The following MAEL variants were observed in gnomAD, a reference collection of about 807,000 sequenced individuals.
The protein encoded by MAEL is protein maelstrom homolog.
Under a neutral mutation model 62.0 loss-of-function variants are expected in MAEL, and 46 were observed. The observed-to-expected ratio is 0.74, with a 90% CI of 0.59 to 0.95. The LOEUF is 0.95. MAEL is among the 40% of genes least tolerant of loss of function. The probability of loss-of-function intolerance (pLI) is 0.00; values close to 1 mark genes in which losing one functional copy is unlikely to be tolerated. For synonymous variants in MAEL, 172 were observed against 175.5 expected, an observed-to-expected ratio of 0.98 and a Z score of 0.16; for missense variants, 497 against 526.8, an observed-to-expected ratio of 0.94 and a Z score of 0.55.
intron 10 of MAEL, among the ~76,000 whole-genome samples, chr1:167,020,290 A>G (rs1224735856): frequency 1.3e-5 from 2 of 150,960 alleles, no homozygotes; most frequent in East Asian, 3.9e-4. Context: ...TGCACTGTCA[A>G]CTCCATTGGC....
At chr1:167,002,406 G>A (rs924493340) in intron 5 of MAEL, among the ~76,000 whole-genome samples, 9 of 152,100 alleles carry the variant, frequency 5.9e-5, no homozygotes, top group African/African-American at 2.2e-4. Context: ...CCTCTTATCG[G>A]GATCTTCTTT....
intron 3 of MAEL, among the ~76,000 whole-genome samples, chr1:166,992,229 A>G (rs1050265257): frequency 6.6e-6 from 1 of 152,156 alleles, no homozygotes; most frequent in African/African-American, 2.4e-5. Flanking sequence ...TTATTCCTTT[A>G]GAGGATTTAT....
In MAEL at chr1:167,022,120, C is replaced by CATTTTT. The variant is rs1665659585; in HGVS notation, c.*267_*272dup. ...TGGAGTCCTATATGAACAAAACTGA[C>CATTTTT]ATTTTTAGAGTTGTACTTTTGGGAA... On this transcript the variant is annotated 3_prime_UTR_variant, in exon 12 of 12. Coordinates refer to ENST00000367872, the MANE Select transcript of MAEL (RefSeq NM_032858.3). 2 of 321,158 alleles carry CATTTTT rather than the reference C, an allele frequency of 6.2e-6. No homozygotes were observed. 19.9% of individuals were successfully genotyped at this position (321,158 alleles called of 1,614,324 possible). A position where few individuals can be genotyped will look rare whatever the true frequency, so the allele number is the denominator to read the frequency against.
At position 166,989,346 on chromosome 1, in the gene MAEL, C is replaced by A. The variant is rs1305920347; in HGVS notation, c.-7C>A. The A allele has an allele frequency of 1.9e-6, 3 of 1,607,390 alleles. No individual in the cohort carries two copies. Among genetic ancestry groups the A allele is most frequent in the Admixed American group, 1.7e-5 (1 of 59,142 alleles). On this transcript the variant is annotated 5_prime_UTR_variant, in exon 1 of 12. Transcript: ENST00000367872. Reference sequence around the variant, plus strand: ...TGTCTGAGGCCAGGAAGTTTGACCGCGCTGCCATGCCGAACCGTAAGGCCA... The same window carrying A: ...TGTCTGAGGCCAGGAAGTTTGACCGAGCTGCCATGCCGAACCGTAAGGCCA...
intron 5 of MAEL, among the ~76,000 whole-genome samples, chr1:167,000,333 CTT>C (rs1335368167): frequency 6.6e-6 from 1 of 152,142 alleles, no homozygotes; most frequent in Non-Finnish European, 1.5e-5. Context: ...TCATGAATGA[CTT>C]TGAGCAGTTC....
chr1:166,993,556 A>T (rs898137138), intron 4 of MAEL, among the ~76,000 whole-genome samples: 2 of 152,236 alleles, frequency 1.3e-5, no homozygotes, highest in Non-Finnish European at 2.9e-5. Flanking sequence ...TCATTTTTAG[A>T]TGACAGAAAA....
chr1:166,985,024 C>T (rs570503013), upstream of MAEL, among the ~76,000 whole-genome samples: 110 of 152,306 alleles, frequency 7.2e-4, no homozygotes, highest in Non-Finnish European at 1.4e-3. Flanking sequence ...ACTGCAATTA[C>T]TTTTGCACCA....
intron 1 of MAEL, among the ~76,000 whole-genome samples, chr1:166,976,223 C>T (rs1275301663): frequency 6.6e-6 from 1 of 152,228 alleles, no homozygotes; most frequent in Non-Finnish European, 1.5e-5. Context: ...AGCACGCATT[C>T]ACATGGATTA....
chr1:166,991,486 A>G lies in MAEL; in HGVS notation c.325+9A>G, dbSNP rs763407911. ...TTTAAAAGGTGATCAAGGTAGAGTA[A>G]TCCTGAAATATTTTGCTGAGATAAA... On this transcript the variant is annotated intron_variant, in intron 3 of 11. Transcript: ENST00000367872. 3 of 1,546,632 alleles carry G rather than the reference A, an allele frequency of 1.9e-6. No individual in the cohort carries two copies. The highest frequency in any genetic ancestry group is 2.7e-6 in the Non-Finnish European group (3 of 1,119,432).
intron 8 of MAEL, among the ~76,000 whole-genome samples, chr1:167,009,094 A>G (rs1489687061): frequency 1.3e-5 from 2 of 152,070 alleles, no homozygotes; most frequent in Non-Finnish European, 2.9e-5. Context: ...CTTTAGGTAT[A>G]TTTTATCCAG....
At chr1:166,995,791 G>A (rs1330127336) in intron 5 of MAEL, among the ~76,000 whole-genome samples, 5 of 152,008 alleles carry the variant, frequency 3.3e-5, no homozygotes, top group Non-Finnish European at 5.9e-5. Flanking sequence ...TCCCTACTAT[G>A]TGCCAGACAT....
At chr1:167,004,121 C>T (rs12567885) in intron 5 of MAEL, 59 bp from the exon 6 acceptor site, 46,951 of 1,492,958 alleles carry the variant, frequency 0.031, 2,632 homozygotes, top group East Asian at 0.3. Flanking sequence ...CACTTCTATA[C>T]CTACCCCATA....
intron 5 of MAEL, among the ~76,000 whole-genome samples, chr1:167,000,777 A>G (rs1664627196): frequency 6.6e-6 from 1 of 152,222 alleles, no homozygotes; most frequent in Non-Finnish European, 1.5e-5. Context: ...TAACATCAAG[A>G]CAGGATCTTC....
At position 166,995,683 on chromosome 1, in the gene MAEL, A is replaced by T. The variant is rs149174403; in HGVS notation, c.523+1614A>T. Among the ~76,000 whole-genome samples, 379 of 151,864 alleles carry T rather than the reference A, an allele frequency of 2.5e-3. 1 individual carries two copies. The highest frequency in any genetic ancestry group is 5.0e-3 in the East Asian group (26 of 5,186). ...ATTGAACTAGATGGCAGTTAAAAAAAAAAAATAAAAAAAAAATGGAAACTT... is the reference window on the plus strand; with the variant it reads ...ATTGAACTAGATGGCAGTTAAAAAATAAAAATAAAAAAAAAATGGAAACTT... On this transcript the variant is annotated intron_variant, in intron 5 of 11. Transcript: ENST00000367872.
chr1:167,015,858 T>G (rs1425770453), intron 8 of MAEL, among the ~76,000 whole-genome samples: 1 of 152,218 alleles, frequency 6.6e-6, no homozygotes, highest in African/African-American at 2.4e-5. Context: ...AAGTTTTGTG[T>G]GGACAATAAT....
Position 167,005,095 on chromosome 1 carries a change from T to C in MAEL, c.668T>C (p.Val223Ala). 1 of 1,613,572 alleles carries C rather than the reference T, an allele frequency of 6.2e-7. No individual in the cohort carries two copies. The highest frequency in any genetic ancestry group is 8.5e-7 in the Non-Finnish European group (1 of 1,179,732). Reference sequence around the variant, plus strand: ...CTCCAGTCTGATGATAGAACCAGAGTCAACTGGTGTTTGAAGCATATGGCA... The same window carrying C: ...CTCCAGTCTGATGATAGAACCAGAGCCAACTGGTGTTTGAAGCATATGGCA... ...IYCKSDDRTR[V>A]NWCLKHMAKA... The change falls in exon 7 of 12, where the codon GTC becomes GCC. Residue 223 changes from valine (V) to alanine (A), a missense_variant. Physicochemically the swap from Val to Ala is moderately conservative, Grantham distance 64. Transcript: ENST00000367872.
intron 8 of MAEL, among the ~76,000 whole-genome samples, chr1:167,006,728 C>T (rs1366131077): frequency 1.3e-5 from 2 of 149,884 alleles, no homozygotes; most frequent in Non-Finnish European, 3.0e-5. Context: ...CTCCACCTCC[C>T]AGGTTCAAGT....
intron 8 of MAEL, chr1:167,005,913 A>G (rs1664875204): frequency 1.3e-5 from 2 of 152,336 alleles, no homozygotes; most frequent in South Asian, 4.1e-4. Flanking sequence ...ATGCCTCTTT[A>G]TACCTAAATA....
chr1:167,005,255 G>C lies in MAEL; in HGVS notation c.704-1G>C, dbSNP rs759869850. The C allele has an allele frequency of 2.5e-6, 4 of 1,611,766 alleles. No homozygotes were observed. The highest frequency in any genetic ancestry group is 3.4e-6 in the Non-Finnish European group (4 of 1,179,200). On this transcript the variant is annotated splice_acceptor_variant, in intron 7 of 11. Transcript: ENST00000367872. LOFTEE classifies it high-confidence loss of function. ...TGTGTTTTTCCATTTACTAATGGAAGAAATCAGGCAAGATCTACAACTTCT... is the reference window on the plus strand; with the variant it reads ...TGTGTTTTTCCATTTACTAATGGAACAAATCAGGCAAGATCTACAACTTCT...
Sources: gnomAD v4.1 joint callset for allele counts (sites outside exome capture counted in the v4.1 genomes callset) on GRCh38, gnomAD v4.1.1 for gene constraint, MANE v1.5 for transcripts, NCBI Gene and HGNC (gene_info 2026-07-23, HGNC 2026-07-21) for gene names.